The following CPED1 variants were observed in gnomAD, a reference collection of about 807,000 sequenced individuals.
CPED1 encodes cadherin like and PC-esterase domain containing 1.
In CPED1, 114 loss-of-function variants were observed where a neutral mutation model predicts 128.2. That is an observed-to-expected ratio of 0.89 (90% CI 0.76 to 1.04). The LOEUF is 1.04. Among genes scored for constraint, CPED1 ranks in the 50% least tolerant of loss-of-function variants. The pLI is 0.00. For synonymous variants in CPED1, 462 were observed against 426.7 expected, an observed-to-expected ratio of 1.08 and a Z score of -1.02; for missense variants, 1,211 against 1,207.1, an observed-to-expected ratio of 1.00 and a Z score of -0.05.
chr7:120,996,243 C>T (rs936828767), intron 2 of CPED1, among the ~76,000 whole-genome samples: 1 of 151,828 alleles, frequency 6.6e-6, no homozygotes, highest in Non-Finnish European at 1.5e-5. Context: ...GTGATCATGC[C>T]TCTGCACTCC....
At chr7:121,252,116 A>T (rs1280413282) in intron 18 of CPED1, among the ~76,000 whole-genome samples, 21 of 151,530 alleles carry the variant, frequency 1.4e-4, no homozygotes, top group African/African-American at 5.1e-4. Flanking sequence ...CAAAACAGAG[A>T]TATAGACCAA....
intron 2 of CPED1, among the ~76,000 whole-genome samples, chr7:121,007,793 G>T (rs1438825198): frequency 6.6e-6 from 1 of 152,054 alleles, no homozygotes; most frequent in East Asian, 1.9e-4. Flanking sequence ...TGACCATCCT[G>T]TTGCTGCTTC....
In CPED1 at chr7:121,124,405, T is replaced by C. The variant is rs1440001296; in HGVS notation, c.993T>C (p.Ile331=). The C allele has an allele frequency of 1.2e-6, 2 of 1,608,568 alleles. No individual in the cohort carries two copies. Among genetic ancestry groups the C allele is most frequent in the Admixed American group, 1.7e-5 (1 of 59,702 alleles). ...QQAFDIMKEA[I]GKLLLAAEVF... ...CTTTTGACATTATGAAGGAAGCAAT[T>C]GGCAAACTACTGCTAGCGGCTGAAG... The change falls in exon 8 of 23, where the codon ATT becomes ATC. Residue 331 remains isoleucine (I), a synonymous_variant. Coordinates refer to ENST00000310396, the MANE Select transcript of CPED1 (RefSeq NM_024913.5).
At chr7:121,203,738 TCTGA>T (rs1215362196) in intron 16 of CPED1, among the ~76,000 whole-genome samples, 4 of 152,174 alleles carry the variant, frequency 2.6e-5, no homozygotes, top group African/African-American at 9.6e-5. Context: ...CAGGAGGAAT[TCTGA>T]CTAAGTGTCA....
chr7:121,093,132 C>T (rs138742187), intron 5 of CPED1, among the ~76,000 whole-genome samples: 335 of 152,074 alleles, frequency 2.2e-3, no homozygotes, highest in African/African-American at 7.8e-3. Flanking sequence ...CCCCTTTTTG[C>T]CATTTCTACC....
rs1412577557 is a variant in CPED1, at chr7:121,129,744, G to T, written c.1408-381G>T. Among the ~76,000 whole-genome samples the T allele has an allele frequency of 3.9e-5, 6 of 151,924 alleles. No homozygotes were observed. In the East Asian group the frequency reaches 1.2e-3, roughly 29 times the overall value. On this transcript the variant is annotated intron_variant, in intron 11 of 22. Coordinates refer to ENST00000310396, the MANE Select transcript of CPED1 (RefSeq NM_024913.5). ...TAACCACAGATTTTTATTTGCGGGG[G>T]AAAGAGGGGAAGATTAATATTTCTC...
intron 17 of CPED1, among the ~76,000 whole-genome samples, chr7:121,242,155 A>C (rs1238105511): frequency 6.6e-6 from 1 of 152,168 alleles, no homozygotes; most frequent in Non-Finnish European, 1.5e-5. Context: ...TTACTCCATT[A>C]TGCATTACTT....
chr7:121,091,076 T>C (rs1794561968), intron 5 of CPED1, among the ~76,000 whole-genome samples: 1 of 152,218 alleles, frequency 6.6e-6, no homozygotes, highest in Non-Finnish European at 1.5e-5. Flanking sequence ...CATAAATCTG[T>C]TGACTACAAG....
chr7:121,135,778 C>T (rs1438263742), intron 13 of CPED1, among the ~76,000 whole-genome samples: 1 of 151,984 alleles, frequency 6.6e-6, no homozygotes, highest in Non-Finnish European at 1.5e-5. Flanking sequence ...GGAACCTTGG[C>T]TGATCAACGT....
At chr7:121,212,134 C>T (rs538844351) in intron 16 of CPED1, among the ~76,000 whole-genome samples, 1 of 152,012 alleles carries the variant, frequency 6.6e-6, no homozygotes, top group East Asian at 2.0e-4. Context: ...GAGCCTGAAC[C>T]GATATGGCTG....
chr7:121,087,497 A>T (rs545972052), intron 5 of CPED1, among the ~76,000 whole-genome samples: 3 of 151,884 alleles, frequency 2.0e-5, no homozygotes, highest in Admixed American at 6.6e-5. Context: ...GTATTTTGAC[A>T]TTTTTTTTAC....
At chr7:121,047,713 T>TCCTCCTCCTCCTCCTCCTCCTCCTCC (rs1793248049) in intron 4 of CPED1, among the ~76,000 whole-genome samples, 2 of 69,670 alleles carry the variant, frequency 2.9e-5, no homozygotes, top group African/African-American at 1.2e-4. Context: ...CTTCTTCTTC[T>TCCTCCTCCTCCTCCTCCTCCTCCTCC]TCTTTTTTTT....
At chr7:121,031,990 C>G (rs1209619648) in intron 3 of CPED1, among the ~76,000 whole-genome samples, 1 of 151,938 alleles carries the variant, frequency 6.6e-6, no homozygotes, top group Non-Finnish European at 1.5e-5. Context: ...GTGATATCAC[C>G]TATTGATGGT....
In CPED1 at chr7:121,124,429, A is replaced by G. The variant is rs745940245; in HGVS notation, c.1017A>G (p.Glu339=). ...TTGGCAAACTACTGCTAGCGGCTGA[A>G]GTATTCAGTGAAACATCTACTCTGG... The part of the protein sequence containing the change: ...EAIGKLLLAA[E]VFSETSTLGP... Residue 339 remains glutamate, a synonymous_variant, in exon 8 of 23, where the codon GAA becomes GAG. Coordinates refer to ENST00000310396, the MANE Select transcript of CPED1 (RefSeq NM_024913.5). The G allele has an allele frequency of 1.1e-5, 18 of 1,602,814 alleles. No homozygotes were observed. Among genetic ancestry groups the G allele is most frequent in the Non-Finnish European group, 1.4e-5 (16 of 1,173,492 alleles).
At chr7:121,071,881 G>C (rs1012625168) in intron 5 of CPED1, among the ~76,000 whole-genome samples, 1 of 151,974 alleles carries the variant, frequency 6.6e-6, no homozygotes, top group East Asian at 1.9e-4. Flanking sequence ...CTGTAGCCCT[G>C]CTCAGTAACT....
At chr7:121,180,353 C>G (rs1470588041) in intron 16 of CPED1, among the ~76,000 whole-genome samples, 1 of 151,854 alleles carries the variant, frequency 6.6e-6, no homozygotes, top group African/African-American at 2.4e-5. Context: ...TATATTTTTT[C>G]TTGGAAAATA....
intron 18 of CPED1, among the ~76,000 whole-genome samples, chr7:121,256,783 A>G (rs935203395): frequency 1.3e-5 from 2 of 152,078 alleles, no homozygotes; most frequent in Non-Finnish European, 2.9e-5. Context: ...TCATCACCAC[A>G]CTATTCACAA....
chr7:121,154,656 C>T (rs1584553111), intron 16 of CPED1, among the ~76,000 whole-genome samples: 1 of 152,048 alleles, frequency 6.6e-6, no homozygotes, highest in Non-Finnish European at 1.5e-5. Context: ...AGCGATTCTC[C>T]TGCCTCAGCC....
rs571035903 is a variant in CPED1 at position 121,097,000 on chromosome 7, G to A, written c.617-699G>A. On this transcript the variant is annotated intron_variant, in intron 5 of 22. Transcript: ENST00000310396. Reference sequence around the variant, plus strand: ...TTATTCAGATCTTACAAGTTAATACGTAAGCATTGGTTTTTGGTGGGAAGA... The same window carrying A: ...TTATTCAGATCTTACAAGTTAATACATAAGCATTGGTTTTTGGTGGGAAGA... 2.7e-4 allele frequency among the ~76,000 whole-genome samples: 41 copies of A among 152,192 alleles called. 2 individuals are homozygous for A. The South Asian group carries it at 6.6e-3, about 25-fold the overall frequency.
Sources: allele counts gnomAD v4.1 joint callset (sites outside exome capture counted in the v4.1 genomes callset), GRCh38; gene constraint gnomAD v4.1.1; transcripts MANE v1.5; gene names NCBI Gene and HGNC (gene_info 2026-07-23, HGNC 2026-07-21).